Variants in FMO3 observed in about 807,000 individuals in gnomAD.
The protein encoded by FMO3 is flavin containing dimethylaniline monoxygenase 3.
FMO3 carries 40 observed loss-of-function variants against 39.4 expected under a neutral mutation model. The ratio of observed to expected loss-of-function variants is 1.02; its 90% CI spans 0.79 to 1.32. The LOEUF (loss-of-function observed/expected upper bound fraction) is 1.32. Among genes scored for constraint, FMO3 ranks in the 40% most tolerant of loss-of-function variants. FMO3 has a pLI of 0.00. For synonymous variants in FMO3, 219 were observed against 228.8 expected, an observed-to-expected ratio of 0.96 and a Z score of 0.39; for missense variants, 680 against 651.8, an observed-to-expected ratio of 1.04 and a Z score of -0.47.
At chr1:171,095,784 A>C (rs188968306) in intron 2 of FMO3, among the ~76,000 whole-genome samples, 5,418 of 123,778 alleles carry the variant, frequency 0.044, 354 homozygotes, top group African/African-American at 0.15. Flanking sequence ...TTTATATATT[A>C]AATATATAAA....
intron 7 of FMO3, among the ~76,000 whole-genome samples, chr1:171,115,795 T>G (rs1256074649): frequency 6.6e-6 from 1 of 152,124 alleles, no homozygotes; most frequent in African/African-American, 2.4e-5. Context: ...ATAGAAAAAC[T>G]TAGCCCTTCA....
At chr1:171,112,097 C>T (rs900315756) in intron 6 of FMO3, among the ~76,000 whole-genome samples, 3 of 152,064 alleles carry the variant, frequency 2.0e-5, no homozygotes, top group Non-Finnish European at 2.9e-5. Context: ...AGGGCATTTA[C>T]GGGCAGGGCT....
At position 171,092,546 on chromosome 1, in the gene FMO3, G is replaced by A. The variant is rs1571195338; in HGVS notation, c.-6-107G>A. On this transcript the variant is annotated intron_variant, in intron 1 of 8. Coordinates refer to ENST00000367755, the MANE Select transcript of FMO3 (RefSeq NM_001002294.3). The stretch of plus-strand genomic sequence containing the variant: ...ATACTCAGCCAGTGTTTATTAAAAA[G>A]TAAAGTTTTTATTAAGCCAAAGAGC... 3.7e-6 allele frequency: 5 copies of A among 1,355,356 alleles called. No homozygotes were observed. In the East Asian group the frequency reaches 9.6e-5, roughly 26 times the overall value. 84.0% of individuals were successfully genotyped at this position (1,355,356 alleles called of 1,614,324 possible). A position where few individuals can be genotyped will look rare whatever the true frequency, so the allele number is the denominator to read the frequency against.
At chr1:171,102,988 TA>T (rs1258363932) in intron 2 of FMO3, among the ~76,000 whole-genome samples, 3 of 152,212 alleles carry the variant, frequency 2.0e-5, no homozygotes, top group Non-Finnish European at 2.9e-5. Flanking sequence ...ATAGAAATTC[TA>T]AGGTTAATTT....
In FMO3 at chr1:171,103,869, C is replaced by T; in HGVS notation, c.217C>T (p.Pro73Ser). The change falls in exon 3 of 9, where the codon CCA becomes TCA. Residue 73 changes from proline (P) to serine (S), a missense_variant. Coordinates refer to ENST00000367755, the MANE Select transcript of FMO3 (RefSeq NM_001002294.3). ...AGAGATGATGTGTTTCCCAGACTTC[C>T]CATTTCCCGATGACTTCCCCAACTT... ...SKEMMCFPDF[P>S]FPDDFPNFMH... The T allele has an allele frequency of 6.2e-7, 1 of 1,613,744 alleles. No homozygotes were observed. Among genetic ancestry groups the T allele is most frequent in the East Asian group, 2.2e-5 (1 of 44,862 alleles).
chr1:171,093,857 G>T (rs115005124), intron 2 of FMO3, among the ~76,000 whole-genome samples: 9,412 of 112,598 alleles, frequency 0.084, 537 homozygotes, highest in East Asian at 0.2. Context: ...TTTTTTGAGT[G>T]GGAGTCTCAC....
chr1:171,114,848 A>G (rs1656072142), intron 7 of FMO3, among the ~76,000 whole-genome samples: 2 of 152,244 alleles, frequency 1.3e-5, no homozygotes, highest in Non-Finnish European at 2.9e-5. Flanking sequence ...CTGACAAAAA[A>G]AGGACAAACA....
intron 4 of FMO3, 72 bp from the exon 5 acceptor site, chr1:171,108,007 A>G: frequency 1.3e-6 from 2 of 1,528,586 alleles, no homozygotes; most frequent in Admixed American, 1.7e-5. Flanking sequence ...TCTATTCACA[A>G]GGTCGCTTCT....
Position 171,114,108 on chromosome 1 carries a change from C to T in FMO3, c.929C>T (p.Ser310Leu), listed in dbSNP as rs572292275. ...KPNVKEFTETSAIFEDGTIFE... is the reference protein window; with the variant it reads ...KPNVKEFTETLAIFEDGTIFE... ...AACGTGAAGGAATTCACAGAGACCT[C>T]GGCCATTTTTGAGGATGGGACCATA... is the stretch of plus-strand genomic sequence containing the variant. Residue 310 changes from serine (S) to leucine (L), a missense_variant, in exon 7 of 9, where the codon TCG (serine) becomes TTG (leucine). By Grantham distance (145) the Ser-to-Leu change is moderately radical. Coordinates refer to ENST00000367755, the MANE Select transcript of FMO3 (RefSeq NM_001002294.3). The T allele has an allele frequency of 6.9e-5, 111 of 1,613,816 alleles. No homozygotes were observed. Among genetic ancestry groups the T allele is most frequent in the Admixed American group, 1.3e-4 (8 of 59,982 alleles).
At chr1:171,098,510 C>T (rs1183093404) in intron 2 of FMO3, among the ~76,000 whole-genome samples, 1 of 152,076 alleles carries the variant, frequency 6.6e-6, no homozygotes, top group Non-Finnish European at 1.5e-5. Context: ...TTTCACATCC[C>T]TTGTAAGTTG....
At chr1:171,097,832 T>C (rs1163865279) in intron 2 of FMO3, among the ~76,000 whole-genome samples, 16 of 152,242 alleles carry the variant, frequency 1.1e-4, no homozygotes, top group South Asian at 2.1e-4. Context: ...TTTGTTGCCA[T>C]TGCTTTTGGT....
intron 6 of FMO3, among the ~76,000 whole-genome samples, chr1:171,112,728 A>G (rs2101919768): frequency 6.6e-6 from 1 of 152,296 alleles, no homozygotes; most frequent in African/African-American, 2.4e-5. Context: ...GGGAGGCTCA[A>G]ACCAGAAGTT....
At chr1:171,113,602 G>T (rs904010185) in intron 6 of FMO3, among the ~76,000 whole-genome samples, 2 of 152,180 alleles carry the variant, frequency 1.3e-5, no homozygotes, top group Non-Finnish European at 2.9e-5. Context: ...TTCCAGATGA[G>T]AAATATGAGA....
intron 2 of FMO3, chr1:171,100,136 G>A (rs1378234729): frequency 6.6e-6 from 1 of 152,120 alleles, no homozygotes; most frequent in East Asian, 1.9e-4. Context: ...CTCAAATTTA[G>A]TTTGCAAGAC....
intron 2 of FMO3, among the ~76,000 whole-genome samples, chr1:171,095,174 G>C (rs1414656143): frequency 6.6e-6 from 1 of 152,060 alleles, no homozygotes; most frequent in Non-Finnish European, 1.5e-5. Flanking sequence ...TTCCATTGTT[G>C]TTGGCTTTTC....
rs1020060878 is a variant in FMO3, at chr1:171,117,135, T to A, written c.1292T>A (p.Ile431Asn). 6.2e-7 allele frequency: 1 copy of A among 1,613,950 alleles called. No homozygotes were observed. The highest frequency in any genetic ancestry group is 1.3e-5 in the African/African-American group (1 of 74,934). ...GKSETIQTDY[I>N]VYMDELSSFI... ...AGCGAGACCATACAGACAGATTACA[T>A]TGTTTATATGGATGAACTCTCCTCC... The change falls in exon 9 of 9, where the codon ATT becomes AAT. Residue 431 changes from isoleucine to asparagine, a missense_variant. Coordinates refer to ENST00000367755, the MANE Select transcript of FMO3 (RefSeq NM_001002294.3).
At chr1:171,096,080 A>ATT (rs1557933411) in intron 2 of FMO3, among the ~76,000 whole-genome samples, 748 of 69,092 alleles carry the variant, frequency 0.011, 45 homozygotes, top group East Asian at 0.07. Flanking sequence ...ATTAATATAT[A>ATT]ATATATATTA....
chr1:171,100,782 C>T, intron 2 of FMO3: 1 of 247,732 alleles, frequency 4.0e-6, no homozygotes, highest in Non-Finnish European at 8.1e-6. Flanking sequence ...CTGTAATAGG[C>T]TGAACAATTT....
At chr1:171,104,404 G>A (rs1388576303) in intron 3 of FMO3, among the ~76,000 whole-genome samples, 1 of 151,780 alleles carries the variant, frequency 6.6e-6, no homozygotes, top group Non-Finnish European at 1.5e-5. Context: ...AAATGTAAAT[G>A]TTTATATTAG....
Sources: allele counts gnomAD v4.1 joint callset (sites outside exome capture counted in the v4.1 genomes callset), GRCh38; gene constraint gnomAD v4.1.1; transcripts MANE v1.5; gene names NCBI Gene and HGNC (gene_info 2026-07-23, HGNC 2026-07-21).